OSBPL10: variants seen among roughly 807,000 people sequenced by gnomAD.
OSBPL10 encodes oxysterol-binding protein-related protein 10.
A neutral mutation model predicts 81.7 loss-of-function variants in OSBPL10; 49 were observed. That is an observed-to-expected ratio of 0.60 (90% CI 0.48 to 0.76). The LOEUF (loss-of-function observed/expected upper bound fraction) is 0.76. OSBPL10 is among the 30% of genes least tolerant of loss of function. OSBPL10 has a pLI of 0.00. For synonymous variants in OSBPL10, 419 were observed against 383.6 expected, an observed-to-expected ratio of 1.09 and a Z score of -1.08; for missense variants, 923 against 987.8, an observed-to-expected ratio of 0.93 and a Z score of 0.88.
chr3:31,845,131 T>C (rs941564875), intron 3 of OSBPL10, among the ~76,000 whole-genome samples: 1 of 55,204 alleles, frequency 1.8e-5, no homozygotes, highest in African/African-American at 4.6e-5. Context: ...TTCATATCAA[T>C]TTTTTTTTAA....
At chr3:31,664,431 ACT>A in intron 10 of OSBPL10, 199 bp from the exon 11 acceptor site, 3 of 601,998 alleles carry the variant, frequency 5.0e-6, no homozygotes, top group Non-Finnish European at 8.8e-6. Context: ...TGTTGTTTCT[ACT>A]CTCCGCTTGT....
At position 31,867,721 on chromosome 3, in the gene OSBPL10, C is replaced by T. The variant is rs932739103; in HGVS notation, c.537+8712G>A. On this transcript the variant is annotated intron_variant, in intron 3 of 11. Transcript: ENST00000396556. ...TCAGGGCACTGCACTCCAGCCTGGG[C>T]GCAGAGTAAGACAAGAAGAAAGAGA... is the stretch of plus-strand genomic sequence containing the variant. 1.1e-4 allele frequency among the ~76,000 whole-genome samples: 14 copies of T among 133,328 alleles called. No individual in the cohort carries two copies. In the South Asian group the frequency reaches 1.2e-3, roughly 12 times the overall value. 87.5% of individuals were successfully genotyped at this position (133,328 alleles called of 152,430 possible).
chr3:32,040,834 C>T (rs973740548), intron 2 of OSBPL10, among the ~76,000 whole-genome samples: 1 of 152,164 alleles, frequency 6.6e-6, no homozygotes, highest in African/African-American at 2.4e-5. Flanking sequence ...GAGACTCCAT[C>T]TCTAATAAAA....
intron 1 of OSBPL10, among the ~76,000 whole-genome samples, chr3:32,060,430 T>C (rs1242758070): frequency 2.0e-5 from 3 of 152,240 alleles, no homozygotes; most frequent in Admixed American, 2.0e-4. Flanking sequence ...CTTCTTGTCC[T>C]TTCTTAACCC....
intron 1 of OSBPL10, among the ~76,000 whole-genome samples, chr3:31,971,605 C>T (rs1006796711): frequency 6.6e-6 from 1 of 152,188 alleles, no homozygotes; most frequent in South Asian, 2.1e-4. Flanking sequence ...AAGAGTAGAG[C>T]TGGGATTTAA....
chr3:31,794,836 G>T, intron 4 of OSBPL10: 1 of 366,908 alleles, frequency 2.7e-6, no homozygotes, highest in South Asian at 2.7e-5. Flanking sequence ...GAACAGGAGT[G>T]GGGCATGTGG....
chr3:31,775,821 A>C (rs1383861474), intron 4 of OSBPL10, among the ~76,000 whole-genome samples: 1 of 152,164 alleles, frequency 6.6e-6, no homozygotes, highest in African/African-American at 2.4e-5. Context: ...AGCGGGAGAG[A>C]GAATGCTGCC....
chr3:31,743,017 G>C (rs1039811038), intron 5 of OSBPL10, among the ~76,000 whole-genome samples: 1 of 144,434 alleles, frequency 6.9e-6, no homozygotes, highest in Non-Finnish European at 1.5e-5. Context: ...AGTCTTGACC[G>C]AAAAGCTAAA....
intron 4 of OSBPL10, among the ~76,000 whole-genome samples, chr3:31,769,557 A>G (rs1163711383): frequency 6.9e-6 from 1 of 145,894 alleles, no homozygotes; most frequent in African/African-American, 2.5e-5. Context: ...TTAAAAATAT[A>G]TTTTTATATT....
At chr3:31,831,137 TGG>T (rs535138996) in intron 3 of OSBPL10, among the ~76,000 whole-genome samples, 263 of 152,280 alleles carry the variant, frequency 1.7e-3, no homozygotes, top group Non-Finnish European at 2.9e-3. Flanking sequence ...CCGGGTGCGG[TGG>T]CTCACACCTG....
At chr3:31,703,890 G>A (rs1021428153) in intron 6 of OSBPL10, 4 of 152,124 alleles carry the variant, frequency 2.6e-5, no homozygotes, top group Non-Finnish European at 4.4e-5. Flanking sequence ...ATTATCTGAC[G>A]TCATTGGCAA....
At chr3:31,950,074 G>A (rs1388492854) in intron 1 of OSBPL10, among the ~76,000 whole-genome samples, 1 of 152,184 alleles carries the variant, frequency 6.6e-6, no homozygotes, top group Non-Finnish European at 1.5e-5. Flanking sequence ...CAGGAGGGAT[G>A]ACTGTTTCTG....
chr3:32,001,235 G>T (rs890887235), intron 2 of OSBPL10, among the ~76,000 whole-genome samples: 2 of 152,134 alleles, frequency 1.3e-5, no homozygotes, highest in African/African-American at 4.8e-5. Flanking sequence ...CATTCATTCA[G>T]CCTGGATGTG....
chr3:31,959,606 C>T (rs991068243), intron 1 of OSBPL10, among the ~76,000 whole-genome samples: 2 of 152,140 alleles, frequency 1.3e-5, no homozygotes, highest in South Asian at 2.1e-4. Flanking sequence ...GAGAAGCCAG[C>T]GGGTATTCTT....
intron 2 of OSBPL10, among the ~76,000 whole-genome samples, chr3:32,035,966 C>A (rs777662026): frequency 4.6e-4 from 70 of 152,288 alleles, no homozygotes; most frequent in East Asian, 1.4e-3. Context: ...CACCCTCCCC[C>A]CAGTCTTTGG....
intron 3 of OSBPL10, among the ~76,000 whole-genome samples, chr3:31,876,227 T>C (rs1477162552): frequency 6.6e-6 from 1 of 152,234 alleles, no homozygotes; most frequent in Non-Finnish European, 1.5e-5. Context: ...CCATAGTGTC[T>C]GCGTGCCTGC....
At chr3:31,808,289 C>T (rs1003168909) in intron 4 of OSBPL10, among the ~76,000 whole-genome samples, 1 of 152,148 alleles carries the variant, frequency 6.6e-6, no homozygotes, top group African/African-American at 2.4e-5. Context: ...CCATCCAGGC[C>T]TGGGGCAAGG....
At chr3:32,016,674 A>T (rs1699315651) in intron 2 of OSBPL10, among the ~76,000 whole-genome samples, 1 of 152,218 alleles carries the variant, frequency 6.6e-6, no homozygotes, top group Non-Finnish European at 1.5e-5. Context: ...TTTGGTAATT[A>T]GAATAGGTTG....
chr3:31,812,324 G>A (rs1383863135), intron 4 of OSBPL10, among the ~76,000 whole-genome samples: 2 of 152,308 alleles, frequency 1.3e-5, no homozygotes, highest in East Asian at 1.9e-4. Flanking sequence ...AAGCCACCGC[G>A]CCTGGCCCTG....
Sources: allele counts gnomAD v4.1 joint callset (sites outside exome capture counted in the v4.1 genomes callset), GRCh38; gene constraint gnomAD v4.1.1; transcripts MANE v1.5; gene names NCBI Gene and HGNC (gene_info 2026-07-23, HGNC 2026-07-21).